Variants in NTRK2 observed in about 807,000 individuals in gnomAD.
NTRK2 encodes BDNF/NT-3 growth factors receptor.
Under a neutral mutation model 94.5 loss-of-function variants are expected in NTRK2, and 13 were observed. The ratio of observed to expected loss-of-function variants is 0.14; its 90% CI spans 0.09 to 0.22. NTRK2 has a LOEUF of 0.22. Among genes scored for constraint, NTRK2 ranks in the 10% least tolerant of loss-of-function variants. The probability of loss-of-function intolerance (pLI) is 1.00; values close to 1 mark genes in which losing one functional copy is unlikely to be tolerated. For missense variants in NTRK2, 639 were observed against 1,071.2 expected (o/e 0.60, Z 5.63); for synonymous variants, 372 against 407.4 (o/e 0.91, Z 1.05).
intron 17 of NTRK2, among the ~76,000 whole-genome samples, chr9:84,981,340 G>T (rs1306892882): frequency 6.6e-6 from 1 of 151,886 alleles, no homozygotes; most frequent in Non-Finnish European, 1.5e-5. Flanking sequence ...GACCTCAAGT[G>T]GTCCACCCAC....
chr9:84,823,941 T>A (rs974988689), intron 12 of NTRK2, among the ~76,000 whole-genome samples: 1 of 152,094 alleles, frequency 6.6e-6, no homozygotes, highest in African/African-American at 2.4e-5. Context: ...GAGATGAGGA[T>A]TCATGTGCAA....
intron 2 of NTRK2, among the ~76,000 whole-genome samples, chr9:84,687,513 G>C (rs764905307): frequency 2.6e-5 from 4 of 151,964 alleles, no homozygotes; most frequent in Admixed American, 2.6e-4. Context: ...TGTCTTGAGG[G>C]TACTATAGAG....
chr9:84,877,241 A>G (rs1387310974), intron 14 of NTRK2: 1 of 1,065,300 alleles, frequency 9.4e-7, no homozygotes, highest in Non-Finnish European at 1.1e-6. Flanking sequence ...TTAACATCTC[A>G]GTGTCCTCTT....
chr9:84,937,799 A>G (rs542794968), intron 15 of NTRK2, among the ~76,000 whole-genome samples: 1 of 152,336 alleles, frequency 6.6e-6, no homozygotes, highest in South Asian at 2.1e-4. Flanking sequence ...TCCCTGCATT[A>G]ACTGTGGATG....
intron 15 of NTRK2, among the ~76,000 whole-genome samples, chr9:84,939,051 C>CA (rs138558531): frequency 0.29 from 20,128 of 68,408 alleles, 3,039 homozygotes; most frequent in African/African-American, 0.4. Context: ...GACCCCAACT[C>CA]AAAAAAAAAA....
intron 15 of NTRK2, among the ~76,000 whole-genome samples, chr9:84,944,213 T>A (rs868595800): frequency 0.026 from 3,602 of 136,524 alleles, 144 homozygotes; most frequent in African/African-American, 0.092. Flanking sequence ...TCTCTCTCTC[T>A]CTCACACACA....
chr9:84,955,670 C>T (rs1824025058), intron 17 of NTRK2, 153 bp downstream of exon 17: 2 of 749,438 alleles, frequency 2.7e-6, no homozygotes, highest in Non-Finnish European at 4.6e-6. Flanking sequence ...GCTGGAAGTC[C>T]AAGCTCAAGG....
At chr9:84,763,775 C>G (rs1189073143) in intron 12 of NTRK2, among the ~76,000 whole-genome samples, 1 of 151,930 alleles carries the variant, frequency 6.6e-6, no homozygotes, top group Non-Finnish European at 1.5e-5. Context: ...TTTAAAAATG[C>G]CTTTTATAGT....
chr9:84,926,315 C>T (rs565301727), intron 14 of NTRK2, among the ~76,000 whole-genome samples: 172 of 151,816 alleles, frequency 1.1e-3, no homozygotes, highest in Non-Finnish European at 2.0e-3. Context: ...TCAATGCAAC[C>T]TCTCCCTCCC....
chr9:84,859,258 A>G (rs1191892363), intron 12 of NTRK2, among the ~76,000 whole-genome samples: 4 of 152,206 alleles, frequency 2.6e-5, no homozygotes, highest in Non-Finnish European at 5.9e-5. Flanking sequence ...ATGGTGGGGA[A>G]TTCAGCAATT....
chr9:84,674,809 T>TTGG (rs2058931276), intron 2 of NTRK2, among the ~76,000 whole-genome samples: 3 of 152,172 alleles, frequency 2.0e-5, no homozygotes, highest in Non-Finnish European at 2.9e-5. Flanking sequence ...ATCTCTGCAA[T>TTGG]ATGGACACTT....
intron 14 of NTRK2, among the ~76,000 whole-genome samples, chr9:84,930,998 T>A: frequency 6.6e-6 from 1 of 152,188 alleles, no homozygotes; most frequent in East Asian, 1.9e-4. Flanking sequence ...TTATCATTAT[T>A]AAACATATTT....
At chr9:84,979,955 G>T (rs1385557842) in intron 17 of NTRK2, among the ~76,000 whole-genome samples, 1 of 152,140 alleles carries the variant, frequency 6.6e-6, no homozygotes, top group Non-Finnish European at 1.5e-5. Flanking sequence ...TAGCTATAAC[G>T]CTATTGCATA....
chr9:84,905,705 G>A (rs2077053998), intron 14 of NTRK2, among the ~76,000 whole-genome samples: 1 of 152,146 alleles, frequency 6.6e-6, no homozygotes, highest in Non-Finnish European at 1.5e-5. Context: ...GTGGTACTTT[G>A]GGGTAATTAA....
intron 13 of NTRK2, among the ~76,000 whole-genome samples, chr9:84,862,560 G>A (rs939006426): frequency 6.6e-6 from 1 of 152,162 alleles, no homozygotes; most frequent in African/African-American, 2.4e-5. Context: ...TTATTCTTCC[G>A]GCTGCAGTCC....
chr9:84,976,900 GATTT>G (rs1228352016), intron 17 of NTRK2, among the ~76,000 whole-genome samples: 1 of 152,194 alleles, frequency 6.6e-6, no homozygotes, highest in Non-Finnish European at 1.5e-5. Context: ...AATATTTACT[GATTT>G]ATTTGTTTTT....
At position 85,018,197 on chromosome 9, in the gene NTRK2, A is replaced by G. The variant is rs184648763; in HGVS notation, c.2173-2009A>G. On this transcript the variant is annotated intron_variant, in intron 17 of 18. Coordinates refer to ENST00000277120, the MANE Select transcript of NTRK2 (RefSeq NM_006180.6). ...AGCAATTTCATCATCTGTAGGCTAG[A>G]GGTGCCACCAAGAGTCCTGAGTTCT... 6.6e-5 allele frequency among the ~76,000 whole-genome samples: 10 copies of G among 152,284 alleles called. No homozygotes were observed. The East Asian group carries it at 1.9e-3, about 29-fold the overall frequency.
chr9:84,706,110 G>A (rs930268668), intron 4 of NTRK2, among the ~76,000 whole-genome samples: 5 of 152,030 alleles, frequency 3.3e-5, no homozygotes, highest in Admixed American at 1.3e-4. Context: ...CTTAATTCAC[G>A]TTCCAAAAGA....
rs1265141991 is a variant in NTRK2 at position 84,670,649 on chromosome 9, A to T, written c.-100A>T. 8.3e-7 allele frequency: 1 copy of T among 1,197,952 alleles called. No individual in the cohort carries two copies. Among genetic ancestry groups the T allele is most frequent in the Non-Finnish European group, 1.2e-6 (1 of 816,108 alleles). 74.2% of individuals were successfully genotyped at this position (1,197,952 alleles called of 1,614,324 possible). A position where few individuals can be genotyped will look rare whatever the true frequency, so the allele number is the denominator to read the frequency against. Reference sequence around the variant, plus strand: ...CGCCCGCAACAAGCACCGAGGAGTTAAGAGAGCCGCAAGCGCAGGGAAGGC... The same window carrying T: ...CGCCCGCAACAAGCACCGAGGAGTTTAGAGAGCCGCAAGCGCAGGGAAGGC... On this transcript the variant is annotated 5_prime_UTR_variant, in exon 2 of 19. Coordinates refer to ENST00000277120, the MANE Select transcript of NTRK2 (RefSeq NM_006180.6).
Sources: gnomAD v4.1 joint callset for allele counts (sites outside exome capture counted in the v4.1 genomes callset) on GRCh38, gnomAD v4.1.1 for gene constraint, MANE v1.5 for transcripts, NCBI Gene and HGNC (gene_info 2026-07-23, HGNC 2026-07-21) for gene names.